The following MEI4 variants were observed in gnomAD, a reference collection of about 807,000 sequenced individuals.
MEI4 encodes meiosis-specific protein MEI4.
In MEI4, 27 loss-of-function variants were observed where a neutral mutation model predicts 31.4. The ratio of observed to expected loss-of-function variants is 0.86; its 90% CI spans 0.63 to 1.19. The LOEUF is 1.19. Ranked by LOEUF, MEI4 falls within the 50% of genes most tolerant of loss-of-function variation. MEI4 has a pLI of 0.00. For missense variants in MEI4, 329 were observed against 398.9 expected (o/e 0.82, Z 1.49); for synonymous variants, 122 against 145.4 (o/e 0.84, Z 1.16).
intron 3 of MEI4, among the ~76,000 whole-genome samples, chr6:77,787,833 T>A (rs986504370): frequency 1.3e-5 from 2 of 151,990 alleles, no homozygotes; most frequent in African/African-American, 2.4e-5. Context: ...TGAACAAAAT[T>A]AGAAGTCAAA....
At chr6:77,727,699 C>T (rs1389585026) in intron 2 of MEI4, among the ~76,000 whole-genome samples, 1 of 152,184 alleles carries the variant, frequency 6.6e-6, no homozygotes, top group African/African-American at 2.4e-5. Context: ...AGCTTTTAAA[C>T]AAAGCCTACA....
intron 4 of MEI4, among the ~76,000 whole-genome samples, chr6:77,871,495 T>C (rs992519375): frequency 6.6e-6 from 1 of 152,028 alleles, no homozygotes; most frequent in Admixed American, 6.6e-5. Context: ...AGCTAAACAT[T>C]GGGTACACCT....
intron 2 of MEI4, among the ~76,000 whole-genome samples, chr6:77,747,638 TG>T (rs1767650743): frequency 6.6e-6 from 1 of 152,136 alleles, no homozygotes; most frequent in Non-Finnish European, 1.5e-5. Context: ...AGATGAGATT[TG>T]GGTGGGGACA....
intron 4 of MEI4, among the ~76,000 whole-genome samples, chr6:77,848,490 A>C (rs1389264256): frequency 6.6e-6 from 1 of 152,206 alleles, no homozygotes; most frequent in Non-Finnish European, 1.5e-5. Context: ...ATAAGTAAAT[A>C]AAAACTAAAG....
In MEI4 at chr6:77,745,041, C is replaced by A. The variant is rs540726555; in HGVS notation, c.233-16089C>A. 6.0e-4 allele frequency among the ~76,000 whole-genome samples: 91 copies of A among 152,216 alleles called. 1 individual carries two copies. The highest frequency in any genetic ancestry group is 2.1e-3 in the African/African-American group (87 of 41,536). On this transcript the variant is annotated intron_variant, in intron 2 of 4. Coordinates refer to ENST00000684080, the MANE Select transcript of MEI4 (RefSeq NM_001322247.2). ...TGCGAAATTGTAAAGACCATTGAGG[C>A]TAGGAGGAAACTGCATCAACTGAGA...
intron 4 of MEI4, among the ~76,000 whole-genome samples, chr6:77,870,947 T>C (rs1212381707): frequency 6.6e-6 from 1 of 152,168 alleles, no homozygotes; most frequent in African/African-American, 2.4e-5. Flanking sequence ...GATTTTCTGG[T>C]AATTCTGCAT....
At chr6:77,785,513 T>C (rs1294412932) in intron 3 of MEI4, among the ~76,000 whole-genome samples, 2 of 152,202 alleles carry the variant, frequency 1.3e-5, no homozygotes, top group African/African-American at 4.8e-5. Flanking sequence ...TAGACATTTC[T>C]CATATCTCAC....
At chr6:77,716,070 T>C (rs1363015419) in intron 2 of MEI4, among the ~76,000 whole-genome samples, 1 of 152,244 alleles carries the variant, frequency 6.6e-6, no homozygotes, top group Non-Finnish European at 1.5e-5. Context: ...TTCTGAGCAC[T>C]CACCTTGTGC....
chr6:77,700,454 T>C (rs1766190132), intron 2 of MEI4, among the ~76,000 whole-genome samples: 1 of 152,176 alleles, frequency 6.6e-6, no homozygotes, highest in Admixed American at 6.5e-5. Flanking sequence ...AAGCGCAGTA[T>C]TTGGATGGGA....
rs146779595 is a variant in MEI4, at chr6:77,712,895, C to T, written c.232+21992C>T. 4.0e-3 allele frequency among the ~76,000 whole-genome samples: 612 copies of T among 151,246 alleles called. 4 individuals are homozygous for T. The highest frequency in any genetic ancestry group is 0.013 in the African/African-American group (549 of 41,162). On this transcript the variant is annotated intron_variant, in intron 2 of 4. Transcript: ENST00000684080. ...CTGAGGCAGGAGAATGGCGTAAACC[C>T]GGGAGGCGGAGCTTGCAGTGAGCCG...
chr6:77,790,961 G>A (rs1768908275), intron 3 of MEI4, among the ~76,000 whole-genome samples: 1 of 152,048 alleles, frequency 6.6e-6, no homozygotes, highest in Non-Finnish European at 1.5e-5. Flanking sequence ...TCAGAGAAAT[G>A]CAAATCAAAA....
At chr6:77,824,694 C>G (rs1285341325) in intron 3 of MEI4, among the ~76,000 whole-genome samples, 1 of 151,646 alleles carries the variant, frequency 6.6e-6, no homozygotes, top group East Asian at 1.9e-4. Flanking sequence ...GGACTCTACC[C>G]CTTACAAGTG....
At chr6:77,676,796 T>G (rs1461612195) in intron 1 of MEI4, among the ~76,000 whole-genome samples, 1 of 152,188 alleles carries the variant, frequency 6.6e-6, no homozygotes, top group Non-Finnish European at 1.5e-5. Context: ...AAATTTTTCT[T>G]TTCTCTTTCC....
chr6:77,694,914 T>A (rs1168069603), intron 2 of MEI4, among the ~76,000 whole-genome samples: 4 of 150,894 alleles, frequency 2.7e-5, no homozygotes, highest in East Asian at 2.0e-4. Flanking sequence ...CCACATCCTC[T>A]CCAGCACCTG....
intron 4 of MEI4, among the ~76,000 whole-genome samples, chr6:77,920,236 T>C (rs1336120613): frequency 6.6e-6 from 1 of 151,952 alleles, no homozygotes; most frequent in Non-Finnish European, 1.5e-5. Context: ...TGAACATTGA[T>C]GCAAAAATCC....
rs1011389684 is a variant in MEI4, at chr6:77,726,073, G to A, written c.233-35057G>A. On this transcript the variant is annotated intron_variant, in intron 2 of 4. Coordinates refer to ENST00000684080, the MANE Select transcript of MEI4 (RefSeq NM_001322247.2). The stretch of plus-strand genomic sequence containing the variant: ...GGCTTTCCTAGGCAGAGGTCCCTGC[G>A]GCCTTCCGCAGTTTTTGTGTCCCTG... 4.9e-5 allele frequency among the ~76,000 whole-genome samples: 5 copies of A among 102,398 alleles called. No homozygotes were observed. In the East Asian group the frequency reaches 8.4e-4, roughly 17 times the overall value. The allele number at this position is 102,398 out of a possible 152,430, so 67.2% of individuals were successfully genotyped here.
At chr6:77,921,817 C>T (rs1042008699) in intron 4 of MEI4, among the ~76,000 whole-genome samples, 1 of 151,716 alleles carries the variant, frequency 6.6e-6, no homozygotes, top group East Asian at 1.9e-4. Flanking sequence ...AACACACACA[C>T]TTATCAGTTA....
intron 4 of MEI4, among the ~76,000 whole-genome samples, chr6:77,868,767 C>T (rs1035274358): frequency 2.0e-5 from 3 of 151,828 alleles, no homozygotes; most frequent in Non-Finnish European, 4.4e-5. Context: ...CAAGAATGAA[C>T]CTAGGATACA....
At chr6:77,670,822 C>T (rs1768724475) in intron 1 of MEI4, among the ~76,000 whole-genome samples, 2 of 152,116 alleles carry the variant, frequency 1.3e-5, no homozygotes, top group Admixed American at 6.5e-5. Flanking sequence ...ATCTGAAATA[C>T]ATACATTTTA....
Sources: gnomAD v4.1 joint callset for allele counts (sites outside exome capture counted in the v4.1 genomes callset) on GRCh38, gnomAD v4.1.1 for gene constraint, MANE v1.5 for transcripts, NCBI Gene and HGNC (gene_info 2026-07-23, HGNC 2026-07-21) for gene names.